SNAP91: variants seen among roughly 807,000 people sequenced by gnomAD.
The protein encoded by SNAP91 is synaptosome associated protein 91, also known as clathrin coat assembly protein AP180.
Under a neutral mutation model 100.3 loss-of-function variants are expected in SNAP91, and 27 were observed. That is an observed-to-expected ratio of 0.27 (90% CI 0.20 to 0.37). The LOEUF is 0.37. SNAP91 is among the 10% of genes least tolerant of loss of function. The probability of loss-of-function intolerance (pLI) is 1.00; values close to 1 mark genes in which losing one functional copy is unlikely to be tolerated. For synonymous variants in SNAP91, 404 were observed against 398.6 expected (o/e 1.01, Z -0.16); for missense variants, 986 against 1,123.7 (o/e 0.88, Z 1.75).
At chr6:83,557,454 G>C (rs979919211) in intron 28 of SNAP91, among the ~76,000 whole-genome samples, 3 of 151,978 alleles carry the variant, frequency 2.0e-5, no homozygotes, top group Non-Finnish European at 2.9e-5. Flanking sequence ...GATCACTTGA[G>C]GCCAGGAGTT....
intron 2 of SNAP91, among the ~76,000 whole-genome samples, chr6:83,690,663 T>C (rs1441585164): frequency 6.6e-6 from 1 of 152,090 alleles, no homozygotes; most frequent in South Asian, 2.1e-4. Context: ...GTAAGTCTTA[T>C]AATGGGCAAT....
chr6:83,605,893 AT>A, intron 13 of SNAP91, 90 bp from the exon 14 acceptor site: 1 of 1,036,580 alleles, frequency 9.6e-7, no homozygotes, highest in Non-Finnish European at 1.4e-6. Flanking sequence ...ATCATCAAAG[AT>A]TTTAGGTATT....
rs566681601 is a variant in SNAP91, at chr6:83,675,933, G to A, written c.131-10352C>T. The stretch of plus-strand genomic sequence containing the variant: ...TGGCCATGGCAGGAAGATTGCTTGA[G>A]GCCAGGAGTTCGAGACCAGACTGGG... On this transcript the variant is annotated intron_variant, in intron 2 of 29. Transcript: ENST00000369694. Among the ~76,000 whole-genome samples the A allele has an allele frequency of 4.0e-5, 6 of 151,384 alleles. No individual in the cohort carries two copies. In the East Asian group the frequency reaches 1.2e-3, roughly 29 times the overall value.
At chr6:83,577,740 T>G (rs1224831536) in intron 24 of SNAP91, among the ~76,000 whole-genome samples, 1 of 152,176 alleles carries the variant, frequency 6.6e-6, no homozygotes, top group African/African-American at 2.4e-5. Flanking sequence ...TTTCTTGAGA[T>G]ATAATTCACA....
At chr6:83,575,434 TA>T (rs1271554259) in intron 25 of SNAP91, 2 of 358,398 alleles carry the variant, frequency 5.6e-6, no homozygotes, top group East Asian at 1.5e-4. Context: ...TGCAAATAAA[TA>T]TATCATATAT....
chr6:83,661,364 T>C, intron 5 of SNAP91, 138 bp downstream of exon 5: 1 of 542,770 alleles, frequency 1.8e-6, no homozygotes, highest in Non-Finnish European at 3.3e-6. Context: ...TCTACAATAT[T>C]ATTGAGTTCC....
At chr6:83,665,351 T>C (rs2098660664) in intron 3 of SNAP91, 88 bp downstream of exon 3, 2 of 1,293,398 alleles carry the variant, frequency 1.5e-6, no homozygotes, top group Non-Finnish European at 2.1e-6. Context: ...TCCTAATTAG[T>C]GAAAATTCAA....
In SNAP91 at chr6:83,578,098, A is replaced by AT. The variant is rs141844202; in HGVS notation, c.2300-2046dup. ...GAATATTTCATTATGTAGATATATC[A>AT]TTTTTTTTTATCCATTCATCAAGTG... On this transcript the variant is annotated intron_variant, in intron 24 of 29. Transcript: ENST00000369694. Among the ~76,000 whole-genome samples the AT allele has an allele frequency of 9.3e-5, 14 of 151,290 alleles. No homozygotes were observed. The East Asian group carries it at 1.6e-3, about 17-fold the overall frequency.
At chr6:83,664,697 A>G (rs980534259) in intron 3 of SNAP91, among the ~76,000 whole-genome samples, 2 of 152,304 alleles carry the variant, frequency 1.3e-5, no homozygotes, top group South Asian at 2.1e-4. Flanking sequence ...AAATAACAAC[A>G]AAGGATATAG....
At position 83,659,099 on chromosome 6, in the gene SNAP91, TTA is replaced by T; in HGVS notation, c.453-9_453-8del. On this transcript the variant is annotated splice_polypyrimidine_tract_variant and splice_region_variant and intron_variant, in intron 5 of 29. Coordinates refer to ENST00000369694, the MANE Select transcript of SNAP91 (RefSeq NM_001242792.2). The stretch of plus-strand genomic sequence containing the variant: ...CCTCATTACACCATCGGCCCTACAA[TTA>T]AAAAAAAAAAAAAGGTACAATTTCA... 6.6e-7 allele frequency: 1 copy of T among 1,506,778 alleles called. No individual in the cohort carries two copies. The highest frequency in any genetic ancestry group is 8.8e-7 in the Non-Finnish European group (1 of 1,130,634). The allele number at this position is 1,506,778 out of a possible 1,614,324, so 93.3% of individuals were successfully genotyped here. A position where few individuals can be genotyped will look rare whatever the true frequency, so the allele number is the denominator to read the frequency against.
At chr6:83,588,579 C>A (rs1287714834) in intron 22 of SNAP91, among the ~76,000 whole-genome samples, 1 of 152,190 alleles carries the variant, frequency 6.6e-6, no homozygotes, top group Admixed American at 6.5e-5. Flanking sequence ...AGCTGTGGCA[C>A]AGGTATGTGC....
chr6:83,645,860 G>A (rs941421487), intron 7 of SNAP91, among the ~76,000 whole-genome samples: 5 of 152,014 alleles, frequency 3.3e-5, no homozygotes, highest in Non-Finnish European at 7.4e-5. Context: ...AAACACCAAT[G>A]ATCTTTTTTA....
At chr6:83,627,398 T>G (rs2096981075) in intron 8 of SNAP91, among the ~76,000 whole-genome samples, 1 of 152,106 alleles carries the variant, frequency 6.6e-6, no homozygotes, top group Non-Finnish European at 1.5e-5. Flanking sequence ...TCCTTCTCAA[T>G]TCATTGAAAT....
chr6:83,651,707 C>T (rs1216607526), intron 7 of SNAP91, among the ~76,000 whole-genome samples: 3 of 152,012 alleles, frequency 2.0e-5, no homozygotes, highest in Non-Finnish European at 4.4e-5. Context: ...GAAGAATGTG[C>T]ATTCTGCTCT....
In SNAP91 at chr6:83,664,534, C is replaced by G. The variant is rs184076502; in HGVS notation, c.273+905G>C. The stretch of plus-strand genomic sequence containing the variant: ...GATGTGTGGGAAAATAGCAAGGGAA[C>G]TAGAATTGGACATGGAGCCTGAAGA... On this transcript the variant is annotated intron_variant, in intron 3 of 29. Coordinates refer to ENST00000369694, the MANE Select transcript of SNAP91 (RefSeq NM_001242792.2). Among the ~76,000 whole-genome samples the G allele has an allele frequency of 1.1e-4, 17 of 152,146 alleles. No homozygotes were observed. In the East Asian group the frequency reaches 2.7e-3, roughly 24 times the overall value.
chr6:83,650,223 G>T (rs1327515391), intron 7 of SNAP91, among the ~76,000 whole-genome samples: 2 of 152,120 alleles, frequency 1.3e-5, no homozygotes, highest in East Asian at 3.9e-4. Flanking sequence ...TTTTCAATTT[G>T]CAATTGCAAT....
intron 2 of SNAP91, among the ~76,000 whole-genome samples, chr6:83,682,104 C>T (rs890664042): frequency 1.3e-5 from 2 of 151,884 alleles, no homozygotes; most frequent in African/African-American, 4.8e-5. Context: ...CCTAAGGCCA[C>T]ACCATATTCT....
At chr6:83,707,129 A>G (rs2099391616) in intron 2 of SNAP91, among the ~76,000 whole-genome samples, 1 of 152,182 alleles carries the variant, frequency 6.6e-6, no homozygotes, top group Non-Finnish European at 1.5e-5. Flanking sequence ...TAGCATAGTC[A>G]TCTCACCCAG....
chr6:83,590,380 A>G (rs893213460), intron 22 of SNAP91, among the ~76,000 whole-genome samples: 1 of 152,260 alleles, frequency 6.6e-6, no homozygotes, highest in Non-Finnish European at 1.5e-5. Flanking sequence ...GAAGACCAAT[A>G]CTTGGCTTTT....
Sources: allele counts gnomAD v4.1 joint callset (sites outside exome capture counted in the v4.1 genomes callset), GRCh38; gene constraint gnomAD v4.1.1; transcripts MANE v1.5; gene names NCBI Gene and HGNC (gene_info 2026-07-23, HGNC 2026-07-21).